The following ACBD5 variants were observed in gnomAD, a reference collection of about 807,000 sequenced individuals.
ACBD5 encodes the protein acyl-CoA binding domain containing 5.
In ACBD5, 40 loss-of-function variants were observed where a neutral mutation model predicts 71.8. That is an observed-to-expected ratio of 0.56 (90% CI 0.43 to 0.72). The LOEUF (loss-of-function observed/expected upper bound fraction) is 0.72, where lower values mean the gene tolerates loss of function less well. Among genes scored for constraint, ACBD5 ranks in the 30% least tolerant of loss-of-function variants. The pLI is 0.00. For missense variants in ACBD5, 559 were observed against 644.5 expected, an observed-to-expected ratio of 0.87 and a Z score of 1.44; for synonymous variants, 229 against 218.6, an observed-to-expected ratio of 1.05 and a Z score of -0.42.
At chr10:27,182,874 C>T (rs190325244) in intron 13 of ACBD5, among the ~76,000 whole-genome samples, 287 of 151,554 alleles carry the variant, frequency 1.9e-3, no homozygotes, top group Middle Eastern at 6.8e-3. Context: ...TCTTGAACTC[C>T]TGGGCTCAAA....
Position 27,240,193 on chromosome 10 carries a change from C to G in ACBD5, c.181+126G>C. The G allele has an allele frequency of 1.4e-6, 2 of 1,435,712 alleles. No homozygotes were observed. Among genetic ancestry groups the G allele is most frequent in the Non-Finnish European group, 1.9e-6 (2 of 1,047,992 alleles). The allele number at this position is 1,435,712 out of a possible 1,614,324, so 88.9% of individuals were successfully genotyped here. A position where few individuals can be genotyped will look rare whatever the true frequency, so the allele number is the denominator to read the frequency against. ...GGTAATTAATTCATATTCAATAGCT[C>G]CCCTTCCACTACATGGCTCCTACAC... On this transcript the variant is annotated intron_variant, in intron 2 of 12. Coordinates refer to ENST00000396271, the MANE Select transcript of ACBD5 (RefSeq NM_145698.5). The surrounding 1 kb of genome is among the most constrained non-coding windows in gnomAD (Gnocchi z 4.1).
At chr10:27,200,739 G>A (rs747691024) in intron 12 of ACBD5, among the ~76,000 whole-genome samples, 6 of 152,152 alleles carry the variant, frequency 3.9e-5, no homozygotes, top group Non-Finnish European at 5.9e-5. Flanking sequence ...GATTACAGGC[G>A]TGAGCCACCG....
intron 10 of ACBD5, among the ~76,000 whole-genome samples, chr10:27,205,600 AT>A (rs1471696294): frequency 1.3e-5 from 2 of 151,996 alleles, no homozygotes; most frequent in Non-Finnish European, 2.9e-5. Flanking sequence ...TACATTACCT[AT>A]TCAACTTTTC....
At chr10:27,191,812 C>G (rs541117525), downstream of ACBD5, among the ~76,000 whole-genome samples, 1 of 151,898 alleles carries the variant, frequency 6.6e-6, no homozygotes, top group Admixed American at 6.6e-5. Flanking sequence ...CACTTGAACC[C>G]GGGAGGCAGA....
intron 4 of ACBD5, among the ~76,000 whole-genome samples, chr10:27,229,142 A>G (rs2063531941): frequency 6.6e-6 from 1 of 151,746 alleles, no homozygotes; most frequent in Non-Finnish European, 1.5e-5. Context: ...TTTTTATTCA[A>G]TCAACTTTCT....
downstream of ACBD5, chr10:27,193,252 C>A (rs1588900133): frequency 9.0e-6 from 1 of 111,062 alleles, no homozygotes; most frequent in East Asian, 2.4e-4. Context: ...CATGGAGAAA[C>A]CCTGTCTCTA....
Position 27,214,796 on chromosome 10 carries a change from G to A in ACBD5, c.936+739C>T, listed in dbSNP as rs552892985. Among the ~76,000 whole-genome samples the A allele has an allele frequency of 4.0e-4, 61 of 152,162 alleles. No individual in the cohort carries two copies. In the South Asian group the frequency reaches 0.01, roughly 26 times the overall value. On this transcript the variant is annotated intron_variant, in intron 8 of 12. Transcript: ENST00000396271. ...CTTGGTGGCTCACACCTGTAATCCC[G>A]GCATTTTGGGAGGCTGAGGTGGGAG...
In ACBD5 at chr10:27,195,876, C is replaced by T. The variant is rs1161224129; in HGVS notation, c.*1554G>A. On this transcript the variant is annotated 3_prime_UTR_variant, in exon 13 of 13. Transcript: ENST00000396271. Reference sequence around the variant, plus strand: ...AACACTGTGAACATATGATGTTAAACCCAACATCATACATCTTGAGAATGC... The same window carrying T: ...AACACTGTGAACATATGATGTTAAATCCAACATCATACATCTTGAGAATGC... The T allele has an allele frequency of 2.2e-6, 1 of 453,462 alleles. No homozygotes were observed. The highest frequency in any genetic ancestry group is 4.4e-6 in the Non-Finnish European group (1 of 226,604). The allele number at this position is 453,462 out of a possible 1,614,324, so 28.1% of individuals were successfully genotyped here.
intron 13 of ACBD5, chr10:27,186,608 T>A: frequency 7.9e-7 from 1 of 1,263,876 alleles, no homozygotes; most frequent in Non-Finnish European, 1.2e-6. Flanking sequence ...TCCTTAATAC[T>A]AGATTGATCT....
At chr10:27,241,385 C>A (rs2065474875), upstream of ACBD5, among the ~76,000 whole-genome samples, 1 of 152,178 alleles carries the variant, frequency 6.6e-6, no homozygotes, top group African/African-American at 2.4e-5. Context: ...AGGTGCTCAG[C>A]AGTCCCTGGC....
rs778268016 is a variant in ACBD5, at chr10:27,197,420, A to C, written c.*10T>G. On this transcript the variant is annotated 3_prime_UTR_variant, in exon 13 of 13. Coordinates refer to ENST00000396271, the MANE Select transcript of ACBD5 (RefSeq NM_145698.5). Reference sequence around the variant, plus strand: ...TTCCAGTAGTCTTCTTGAGGAAAACACCATTTTCCTCAGTTCAGTTTTCTT... The same window carrying C: ...TTCCAGTAGTCTTCTTGAGGAAAACCCCATTTTCCTCAGTTCAGTTTTCTT... 1.2e-6 allele frequency: 2 copies of C among 1,610,410 alleles called. No homozygotes were observed. Among genetic ancestry groups the C allele is most frequent in the Non-Finnish European group, 1.7e-6 (2 of 1,177,602 alleles).
intron 12 of ACBD5, among the ~76,000 whole-genome samples, chr10:27,203,141 T>G (rs944986042): frequency 6.6e-6 from 1 of 151,730 alleles, no homozygotes; most frequent in East Asian, 1.9e-4. Context: ...ACCTGGCTAA[T>G]TTTTTTATTT....
rs1317296942 is a variant in ACBD5, at chr10:27,208,146, A to G, written c.1404+100T>C. ...CCAAGTTCTATTTTCTAAAAAAATC[A>G]GTAAAATACATTAATTTATGTCAAT... On this transcript the variant is annotated intron_variant, in intron 10 of 12. Transcript: ENST00000396271. 3 of 1,270,632 alleles carry G rather than the reference A, an allele frequency of 2.4e-6. No homozygotes were observed. In the Admixed American group the frequency reaches 5.5e-5, roughly 23 times the overall value. The allele number at this position is 1,270,632 out of a possible 1,614,324, so 78.7% of individuals were successfully genotyped here.
At chr10:27,197,925 C>A (rs1439521629) in intron 12 of ACBD5, among the ~76,000 whole-genome samples, 1 of 152,164 alleles carries the variant, frequency 6.6e-6, no homozygotes, top group Non-Finnish European at 1.5e-5. Flanking sequence ...GCTATGGCGC[C>A]CAGCCATCCT....
intron 13 of ACBD5, among the ~76,000 whole-genome samples, chr10:27,189,437 T>TA (rs2058966133): frequency 1.3e-5 from 2 of 152,322 alleles, no homozygotes; most frequent in Admixed American, 1.3e-4. Context: ...GGCCAGGAGT[T>TA]AGAGACTACC....
upstream of ACBD5, among the ~76,000 whole-genome samples, chr10:27,241,513 A>G (rs1177593052): frequency 6.6e-6 from 1 of 152,098 alleles, no homozygotes; most frequent in African/African-American, 2.4e-5. Context: ...CTTCCCCTAC[A>G]CTACCCTTTC....
intron 10 of ACBD5, among the ~76,000 whole-genome samples, chr10:27,206,003 G>A (rs2060433182): frequency 6.6e-6 from 1 of 152,026 alleles, no homozygotes; most frequent in Admixed American, 6.6e-5. Context: ...GAACTCCTGG[G>A]TTCAAGCTAT....
At chr10:27,199,860 C>T (rs921535117) in intron 12 of ACBD5, among the ~76,000 whole-genome samples, 2 of 152,018 alleles carry the variant, frequency 1.3e-5, no homozygotes, top group Non-Finnish European at 2.9e-5. Context: ...GGCGTGGTGG[C>T]GGGCGCCTGT....
chr10:27,184,404 T>C (rs1400355812), intron 13 of ACBD5, among the ~76,000 whole-genome samples: 1 of 152,010 alleles, frequency 6.6e-6, no homozygotes, highest in East Asian at 1.9e-4. Context: ...TTAAAACATA[T>C]AAACACACAC....
Sources: gnomAD v4.1 joint callset for allele counts (sites outside exome capture counted in the v4.1 genomes callset) on GRCh38, gnomAD v4.1.1 for gene constraint, Gnocchi (gnomAD v3.1) non-coding constraint, MANE v1.5 for transcripts, NCBI Gene and HGNC (gene_info 2026-07-23, HGNC 2026-07-21) for gene names.